Variants in GALNT10 observed in about 807,000 individuals in gnomAD.
GALNT10 encodes the protein polypeptide N-acetylgalactosaminyltransferase 10, also known as GalNAc transferase 10.
GALNT10 carries 41 observed loss-of-function variants against 75.0 expected under a neutral mutation model. The observed-to-expected ratio is 0.55, with a 90% CI of 0.43 to 0.71. GALNT10 has a LOEUF of 0.71. Ranked by LOEUF, GALNT10 falls within the 30% of genes least tolerant of loss-of-function variation. The pLI is 0.00. For missense variants in GALNT10, 727 were observed against 818.5 expected (o/e 0.89, Z 1.36); for synonymous variants, 302 against 313.0 (o/e 0.96, Z 0.37).
At chr5:154,207,019 C>T (rs1024379175) in intron 1 of GALNT10, among the ~76,000 whole-genome samples, 5 of 152,202 alleles carry the variant, frequency 3.3e-5, no homozygotes, top group Admixed American at 6.5e-5. Flanking sequence ...GTGTAACGTG[C>T]AGCCTTTGAG....
chr5:154,395,655 G>T (rs1756000082), intron 7 of GALNT10, among the ~76,000 whole-genome samples: 1 of 152,166 alleles, frequency 6.6e-6, no homozygotes, highest in Non-Finnish European at 1.5e-5. Flanking sequence ...TGAGATCTTG[G>T]ACTCATCTGC....
intron 1 of GALNT10, among the ~76,000 whole-genome samples, chr5:154,214,933 A>G (rs1752842805): frequency 6.6e-6 from 1 of 152,194 alleles, no homozygotes; most frequent in Non-Finnish European, 1.5e-5. Context: ...AATAACAGTA[A>G]TGGCTATGTT....
chr5:154,414,408 G>A (rs1756463136), intron 10 of GALNT10, among the ~76,000 whole-genome samples: 1 of 152,182 alleles, frequency 6.6e-6, no homozygotes, highest in African/African-American at 2.4e-5. Flanking sequence ...AACAAGCGAT[G>A]AATTATTGAT....
At chr5:154,227,232 A>C (rs562699451) in intron 1 of GALNT10, among the ~76,000 whole-genome samples, 77 of 152,334 alleles carry the variant, frequency 5.1e-4, no homozygotes, top group African/African-American at 1.8e-3. Flanking sequence ...GATTATGTGT[A>C]TATTTAACTG....
chr5:154,400,378 G>T (rs1756134302), intron 7 of GALNT10, among the ~76,000 whole-genome samples: 1 of 152,122 alleles, frequency 6.6e-6, no homozygotes, highest in African/African-American at 2.4e-5. Context: ...TGTCCACTTT[G>T]TTCTTCCCCC....
intron 7 of GALNT10, among the ~76,000 whole-genome samples, chr5:154,400,604 G>A (rs1415296858): frequency 6.6e-6 from 1 of 152,208 alleles, no homozygotes; most frequent in Non-Finnish European, 1.5e-5. Context: ...GATGCCCATT[G>A]CAGGGAGATT....
chr5:154,209,163 C>T (rs373709555), intron 1 of GALNT10, among the ~76,000 whole-genome samples: 2 of 152,202 alleles, frequency 1.3e-5, no homozygotes, highest in Admixed American at 6.5e-5. Flanking sequence ...AGAAGCTACG[C>T]GTACTGCAGG....
intron 1 of GALNT10, among the ~76,000 whole-genome samples, chr5:154,249,849 C>A (rs558683056): frequency 1.1e-4 from 16 of 152,276 alleles, no homozygotes; most frequent in Middle Eastern, 3.4e-3. Context: ...TCTCTTGCTA[C>A]CCCACAGATC....
intron 3 of GALNT10, among the ~76,000 whole-genome samples, chr5:154,326,031 C>G (rs1015026171): frequency 1.3e-5 from 2 of 150,040 alleles, no homozygotes; most frequent in African/African-American, 4.9e-5. Flanking sequence ...TTGCAGGATA[C>G]AAAATTAATA....
intron 4 of GALNT10, among the ~76,000 whole-genome samples, chr5:154,374,125 C>G (rs116006726): frequency 6.6e-6 from 1 of 152,156 alleles, no homozygotes; most frequent in African/African-American, 2.4e-5. Context: ...ATGCCTCTTG[C>G]TTTCTTGTCT....
At chr5:154,293,856 G>A (rs570881734) in intron 1 of GALNT10, among the ~76,000 whole-genome samples, 1 of 151,990 alleles carries the variant, frequency 6.6e-6, no homozygotes, top group Non-Finnish European at 1.5e-5. Flanking sequence ...ACCTGTCTGA[G>A]GCCCAGCCCA....
Position 154,409,691 on chromosome 5 carries a change from A to T in GALNT10, c.1315A>T (p.Met439Leu). The T allele has an allele frequency of 1.9e-6, 3 of 1,614,222 alleles. No homozygotes were observed. The highest frequency in any genetic ancestry group is 2.2e-5 in the East Asian group (1 of 44,884). ...TAACTGCAAGAGTTTCAAGTGGTTT[A>T]TGACGAAGATAGCCTGGGACCTGCC... ...SLNCKSFKWFMTKIAWDLPKF... is the reference protein window; with the variant it reads ...SLNCKSFKWFLTKIAWDLPKF... Residue 439 changes from methionine (M) to leucine (L), a missense_variant, in exon 9 of 12, where the codon ATG becomes TTG. Coordinates refer to ENST00000297107, the MANE Select transcript of GALNT10 (RefSeq NM_198321.4). The surrounding 1 kb of genome is among the most constrained non-coding windows in gnomAD (Gnocchi z 4.5).
At chr5:154,407,077 T>C (rs1238845211) in intron 8 of GALNT10, among the ~76,000 whole-genome samples, 2 of 152,222 alleles carry the variant, frequency 1.3e-5, no homozygotes, top group African/African-American at 4.8e-5. Flanking sequence ...AAATCTTTCT[T>C]ATCTTTGCCT....
At chr5:154,394,060 T>C (rs1755964801) in intron 7 of GALNT10, among the ~76,000 whole-genome samples, 1 of 152,096 alleles carries the variant, frequency 6.6e-6, no homozygotes, top group Non-Finnish European at 1.5e-5. Context: ...CCCACCGTCC[T>C]TGGCAAAATG....
intron 1 of GALNT10, among the ~76,000 whole-genome samples, chr5:154,258,105 G>A (rs762857663): frequency 4.6e-5 from 7 of 152,176 alleles, no homozygotes; most frequent in Non-Finnish European, 8.8e-5. Context: ...AGTATGTTAT[G>A]AAATAGAGTG....
chr5:154,341,323 C>A (rs1755029380), intron 4 of GALNT10, among the ~76,000 whole-genome samples: 1 of 152,172 alleles, frequency 6.6e-6, no homozygotes, highest in Admixed American at 6.6e-5. Flanking sequence ...TTCAGAGATG[C>A]CCACCTTATT....
intron 4 of GALNT10, among the ~76,000 whole-genome samples, chr5:154,364,533 G>A (rs990172104): frequency 1.3e-5 from 2 of 152,118 alleles, no homozygotes; most frequent in African/African-American, 4.8e-5. Flanking sequence ...GGGCAGTGGT[G>A]GTTGAAGGAG....
rs548011620 is a variant in GALNT10, at chr5:154,378,545, G to A, written c.755-1903G>A. The stretch of plus-strand genomic sequence containing the variant: ...AGTAATCCTGGTCATGGAGAGTGTC[G>A]CTGAGTGCTGACTATGTGCCAGAGG... On this transcript the variant is annotated intron_variant, in intron 5 of 11. Coordinates refer to ENST00000297107, the MANE Select transcript of GALNT10 (RefSeq NM_198321.4). Among the ~76,000 whole-genome samples, 10 of 152,262 alleles carry A rather than the reference G, an allele frequency of 6.6e-5. No individual in the cohort carries two copies. The East Asian group carries it at 1.5e-3, about 24-fold the overall frequency.
intron 1 of GALNT10, among the ~76,000 whole-genome samples, chr5:154,275,251 T>C (rs1753932518): frequency 6.6e-6 from 1 of 152,208 alleles, no homozygotes; most frequent in African/African-American, 2.4e-5. Flanking sequence ...GGCCCAGAGA[T>C]GTTTTATAGC....
Sources: gnomAD v4.1 joint callset for allele counts (sites outside exome capture counted in the v4.1 genomes callset) on GRCh38, gnomAD v4.1.1 for gene constraint, Gnocchi (gnomAD v3.1) non-coding constraint, MANE v1.5 for transcripts, NCBI Gene and HGNC (gene_info 2026-07-23, HGNC 2026-07-21) for gene names.